Variants in NSD3 observed in about 807,000 individuals in gnomAD.
NSD3 encodes the protein nuclear receptor binding SET domain protein 3.
Under a neutral mutation model 160.8 loss-of-function variants are expected in NSD3, and 24 were observed. The observed-to-expected ratio is 0.15, with a 90% CI of 0.11 to 0.21. The LOEUF is 0.21. Among genes scored for constraint, NSD3 ranks in the 10% least tolerant of loss-of-function variants. The pLI is 1.00. For synonymous variants in NSD3, 520 were observed against 600.0 expected, an observed-to-expected ratio of 0.87 and a Z score of 1.95; for missense variants, 1,157 against 1,735.9, an observed-to-expected ratio of 0.67 and a Z score of 5.93.
At chr8:38,337,271 C>CT (rs761308857) in intron 4 of NSD3, 34 bp downstream of exon 4, 2 of 1,515,130 alleles carry the variant, frequency 1.3e-6, no homozygotes, top group South Asian at 2.7e-5. Context: ...TATTTCCAAC[C>CT]TTTTACTTAG....
intron 1 of NSD3, among the ~76,000 whole-genome samples, chr8:38,353,664 T>C (rs1810754746): frequency 6.6e-6 from 1 of 152,210 alleles, no homozygotes; most frequent in South Asian, 2.1e-4. Context: ...GAAAATAACA[T>C]TACCTTCTTA....
chr8:38,347,896 A>G lies in NSD3; in HGVS notation c.276T>C (p.Tyr92=), dbSNP rs547004333. 2 of 1,614,198 alleles carry G rather than the reference A, an allele frequency of 1.2e-6. No individual in the cohort carries two copies. The highest frequency in any genetic ancestry group is 8.5e-7 in the Non-Finnish European group (1 of 1,180,042). The change falls in exon 2 of 24, where the codon TAT becomes TAC. Residue 92 remains tyrosine, a synonymous_variant. Transcript: ENST00000317025. ...CAAAGCCATTGGCTGACCCATTAGG[A>G]TACTGATTATATGACTGGTATTTGG... is the stretch of plus-strand genomic sequence containing the variant. ...TQTKYQSYNQ[Y]PNGSANGFGA...
intron 4 of NSD3, among the ~76,000 whole-genome samples, chr8:38,334,570 C>CA (rs1163312724): frequency 6.6e-6 from 1 of 151,256 alleles, no homozygotes; most frequent in Non-Finnish European, 1.5e-5. Flanking sequence ...CTGGCCAACA[C>CA]AGTGAAACCC....
rs1438742167 is a variant in NSD3 at position 38,329,422 on chromosome 8, T to A, written c.1537A>T (p.Thr513Ser). 35 of 1,614,066 alleles carry A rather than the reference T, an allele frequency of 2.2e-5. No individual in the cohort carries two copies. Among genetic ancestry groups the A allele is most frequent in the Non-Finnish European group, 3.0e-5 (35 of 1,179,902 alleles). Residue 513 changes from threonine to serine, a missense_variant, in exon 6 of 24, where the codon ACA (threonine) becomes TCA (serine). This residue lies in a region of NSD3 where 102 missense variants were observed against 126.5 expected (regional missense o/e 0.81). Coordinates refer to ENST00000317025, the MANE Select transcript of NSD3 (RefSeq NM_023034.2). The surrounding 1 kb of genome is among the most constrained non-coding windows in gnomAD (Gnocchi z 4.8). ...IEQVFALQNA[T>S]GDGKFIDQFV... is the part of the protein sequence containing the mutation. The stretch of plus-strand genomic sequence containing the variant: ...TGATCGATAAATTTCCCATCCCCTG[T>A]AGCATTCTGAAGAGCAAACACTTGT...
intron 6 of NSD3, among the ~76,000 whole-genome samples, chr8:38,328,581 A>G (rs1585890940): frequency 6.6e-6 from 1 of 152,210 alleles, no homozygotes; most frequent in Admixed American, 6.5e-5. Context: ...TGTTTAACTA[A>G]TTAATCTGCA....
At position 38,347,575 on chromosome 8, in the gene NSD3, T is replaced by C. The variant is rs774330038; in HGVS notation, c.597A>G (p.Lys199=). Residue 199 remains lysine (K), a synonymous_variant, in exon 2 of 24, where the codon AAA becomes AAG. Coordinates refer to ENST00000317025, the MANE Select transcript of NSD3 (RefSeq NM_023034.2). The part of the protein sequence containing the change: ...KHESRKEKRK[K]SNKHDSSRSE... Reference sequence around the variant, plus strand: ...ATCTTGATGAGTCATGCTTGTTGCTTTTTTTCCTCTTTTCTTTTCTGCTTT... The same window carrying C: ...ATCTTGATGAGTCATGCTTGTTGCTCTTTTTCCTCTTTTCTTTTCTGCTTT... The C allele has an allele frequency of 1.2e-6, 2 of 1,614,100 alleles. No homozygotes were observed. Among genetic ancestry groups the C allele is most frequent in the East Asian group, 4.5e-5 (2 of 44,890 alleles).
chr8:38,321,433 A>G lies in NSD3; in HGVS notation c.1709-261T>C, dbSNP rs1809794305. Among the ~76,000 whole-genome samples the G allele has an allele frequency of 6.6e-6, 1 of 152,216 alleles. No homozygotes were observed. The highest frequency in any genetic ancestry group is 6.5e-5 in the Admixed American group (1 of 15,278). ...GGGGGATTGGTTTTTTAAAAATTGA[A>G]AAGTCAAACTAAAACAGCAGACACA... On this transcript the variant is annotated intron_variant, in intron 7 of 23. Coordinates refer to ENST00000317025, the MANE Select transcript of NSD3 (RefSeq NM_023034.2). The surrounding 1 kb of genome is among the most constrained non-coding windows in gnomAD (Gnocchi z 4.7).
At chr8:38,324,990 T>C (rs1433163468) in intron 7 of NSD3, among the ~76,000 whole-genome samples, 1 of 152,230 alleles carries the variant, frequency 6.6e-6, no homozygotes, top group Non-Finnish European at 1.5e-5. Context: ...TGGCTGTTCA[T>C]CTGTATCTTT....
chr8:38,329,906 T>C lies in NSD3; in HGVS notation c.1066-13A>G. ...GGGGTTTCCGAATCTTTAAAAAAGA[T>C]AGAGATTATCAGACATGCTTTACTC... On this transcript the variant is annotated splice_polypyrimidine_tract_variant and intron_variant, in intron 5 of 23. Coordinates refer to ENST00000317025, the MANE Select transcript of NSD3 (RefSeq NM_023034.2). This position sits in a 1 kb window ranked among gnomAD's most constrained non-coding sequence, Gnocchi z 4.8. 1.3e-6 allele frequency: 2 copies of C among 1,556,642 alleles called. No individual in the cohort carries two copies. Among genetic ancestry groups the C allele is most frequent in the East Asian group, 2.2e-5 (1 of 44,458 alleles).
intron 14 of NSD3, 76 bp downstream of exon 14, chr8:38,304,511 A>G (rs1487595621): frequency 9.6e-6 from 14 of 1,464,794 alleles, no homozygotes; most frequent in African/African-American, 1.4e-5. Context: ...TTCTTTCCCA[A>G]TGCTGAGACT....
At chr8:38,315,324 A>T (rs1021148950) in intron 11 of NSD3, 92 bp downstream of exon 11, 1 of 1,344,916 alleles carries the variant, frequency 7.4e-7, no homozygotes, top group Admixed American at 2.7e-5. Context: ...AATAATTTGG[A>T]AACATATTAT....
At chr8:38,344,321 G>A (rs1338895099) in intron 2 of NSD3, among the ~76,000 whole-genome samples, 1 of 152,176 alleles carries the variant, frequency 6.6e-6, no homozygotes, top group African/African-American at 2.4e-5. Context: ...ACCCAGGCTG[G>A]AGTGCAGTGG....
At chr8:38,299,697 G>GA in intron 14 of NSD3, 107 bp from the exon 15 acceptor site, 1 of 1,147,118 alleles carries the variant, frequency 8.7e-7, no homozygotes, top group East Asian at 3.0e-5. Context: ...CTGGGGTGGG[G>GA]AGGGCGAAAA....
intron 4 of NSD3, 30 bp from the exon 5 acceptor site, chr8:38,331,615 C>T: frequency 6.2e-7 from 1 of 1,608,424 alleles, no homozygotes. Flanking sequence ...TTAACCATTT[C>T]AGAACATAAG....
At chr8:38,290,745 G>A (rs1808982787) in intron 16 of NSD3, 68 bp from the exon 17 acceptor site, 1 of 1,532,764 alleles carries the variant, frequency 6.5e-7, no homozygotes, top group Admixed American at 2.0e-5. Context: ...TTACAAGATT[G>A]GCAGAAGGGA....
chr8:38,315,313 T>C (rs1809631031), intron 11 of NSD3, 103 bp downstream of exon 11: 9 of 1,318,184 alleles, frequency 6.8e-6, no homozygotes, highest in South Asian at 1.8e-5. Context: ...AGTAATATCA[T>C]AATAATTTGG....
At chr8:38,296,458 T>C (rs1455324444) in intron 15 of NSD3, among the ~76,000 whole-genome samples, 2 of 152,214 alleles carry the variant, frequency 1.3e-5, no homozygotes, top group African/African-American at 4.8e-5. Flanking sequence ...TCAGTACTTT[T>C]TTCTTTCCAT....
chr8:38,349,382 C>T (rs1172257514), intron 1 of NSD3, among the ~76,000 whole-genome samples: 1 of 151,440 alleles, frequency 6.6e-6, no homozygotes, highest in Non-Finnish European at 1.5e-5. Flanking sequence ...CAGGGTCTTG[C>T]TATGTTGCCC....
At chr8:38,306,312 TC>T (rs1809391928) in intron 12 of NSD3, among the ~76,000 whole-genome samples, 1 of 151,872 alleles carries the variant, frequency 6.6e-6, no homozygotes, top group African/African-American at 2.4e-5. Context: ...ACGGACAGAT[TC>T]CTAGAAAAAA....
Sources: gnomAD v4.1 joint callset for allele counts (sites outside exome capture counted in the v4.1 genomes callset) on GRCh38, gnomAD v4.1.1 for gene constraint, gnomAD v4.1.1 regional missense constraint, Gnocchi (gnomAD v3.1) non-coding constraint, MANE v1.5 for transcripts, NCBI Gene and HGNC (gene_info 2026-07-23, HGNC 2026-07-21) for gene names.